POU4F2: variants seen among roughly 807,000 people sequenced by gnomAD.
POU4F2 encodes POU domain, class 4, transcription factor 2.
Under a neutral mutation model 21.5 loss-of-function variants are expected in POU4F2, and 10 were observed. That is an observed-to-expected ratio of 0.46 (90% CI 0.29 to 0.79). POU4F2 has a LOEUF of 0.79. POU4F2 is among the 30% of genes least tolerant of loss of function. POU4F2 has a pLI of 0.10. For synonymous variants in POU4F2, 324 were observed against 271.1 expected (o/e 1.20, Z -1.92); for missense variants, 623 against 603.3 (o/e 1.03, Z -0.34).
Position 146,640,265 on chromosome 4 carries a change from C to T in POU4F2, c.687C>T (p.His229=). 1 of 1,574,168 alleles carries T rather than the reference C, an allele frequency of 6.4e-7. No homozygotes were observed. The part of the protein sequence containing the change: ...APHMATMNPM[H]QAALSMAHAH... ...ACATGGCCACCATGAACCCCATGCA[C>T]CAAGCAGCGCTCAGCATGGCCCACG... Residue 229 remains histidine, a synonymous_variant, in exon 2 of 2, where the codon CAC becomes CAT. Coordinates refer to ENST00000281321, the MANE Select transcript of POU4F2 (RefSeq NM_004575.3). This position sits in a 1 kb window ranked among gnomAD's most constrained non-coding sequence, Gnocchi z 4.8.
Position 146,638,979 on chromosome 4 carries a change from AGC to A in POU4F2, c.-161_-160del, listed in dbSNP as rs573047005. The A allele has an allele frequency of 7.7e-4, 657 of 850,796 alleles. 3 individuals are homozygous for A. In the African/African-American group the frequency reaches 0.011, roughly 14 times the overall value. The allele number at this position is 850,796 out of a possible 1,614,324, so 52.7% of individuals were successfully genotyped here. A position where few individuals can be genotyped will look rare whatever the true frequency, so the allele number is the denominator to read the frequency against. On this transcript the variant is annotated 5_prime_UTR_variant, in exon 1 of 2. Coordinates refer to ENST00000281321, the MANE Select transcript of POU4F2 (RefSeq NM_004575.3). Reference sequence around the variant, plus strand: ...CAGCAGAGGCGGCGAAGGAGCGCGTAGCCGAGATCAGGCGTACAGAGTCCGGA... The same window carrying A: ...CAGCAGAGGCGGCGAAGGAGCGCGTACGAGATCAGGCGTACAGAGTCCGGA...
rs1740853665 is a variant in POU4F2, at chr4:146,640,261, T to C, written c.683T>C (p.Met228Thr). ...HAPHMATMNP[M>T]HQAALSMAHA... Reference sequence around the variant, plus strand: ...CCGCACATGGCCACCATGAACCCCATGCACCAAGCAGCGCTCAGCATGGCC... The same window carrying C: ...CCGCACATGGCCACCATGAACCCCACGCACCAAGCAGCGCTCAGCATGGCC... The change falls in exon 2 of 2, where the codon ATG (methionine) becomes ACG (threonine). Residue 228 changes from methionine (M) to threonine (T), a missense_variant. Met to Thr is a moderately conservative substitution (Grantham distance 81). This residue lies in a region of POU4F2 where 523 missense variants were observed against 504.1 expected (regional missense o/e 1.04). Transcript: ENST00000281321. The surrounding 1 kb of genome is among the most constrained non-coding windows in gnomAD (Gnocchi z 4.8). 2 of 1,577,640 alleles carry C rather than the reference T, an allele frequency of 1.3e-6. No homozygotes were observed. Among genetic ancestry groups the C allele is most frequent in the Admixed American group, 1.7e-5 (1 of 58,218 alleles).
rs564340231 is a variant in POU4F2, at chr4:146,640,618, G to A, written c.1040G>A (p.Arg347His). The A allele has an allele frequency of 1.1e-5, 18 of 1,614,218 alleles. No individual in the cohort carries two copies. In the African/African-American group the frequency reaches 1.6e-4, roughly 14 times the overall value. The stretch of plus-strand genomic sequence containing the variant: ...CTCTTCAATGGCGCGGAGAAGAAGC[G>A]CAAGCGCACGTCCATCGCTGCGCCA... ...PELFNGAEKK[R>H]KRTSIAAPEK... is the part of the protein sequence containing the mutation. The change falls in exon 2 of 2, where the codon CGC (arginine) becomes CAC (histidine). Residue 347 changes from arginine to histidine, a missense_variant. Arg to His is a conservative substitution (Grantham distance 29). Transcript: ENST00000281321. The surrounding 1 kb of genome is among the most constrained non-coding windows in gnomAD (Gnocchi z 4.8).
At chr4:146,639,774 G>T (rs778428497) in intron 1 of POU4F2, 93 bp from the exon 2 acceptor site, 3 of 1,251,426 alleles carry the variant, frequency 2.4e-6, no homozygotes, top group Admixed American at 5.2e-5. Flanking sequence ...TTGTAGGCGC[G>T]GCGACGGTGT....
At position 146,638,942 on chromosome 4, in the gene POU4F2, C is replaced by A. The variant is rs1032845511; in HGVS notation, c.-199C>A. On this transcript the variant is annotated 5_prime_UTR_variant, in exon 1 of 2. Coordinates refer to ENST00000281321, the MANE Select transcript of POU4F2 (RefSeq NM_004575.3). The stretch of plus-strand genomic sequence containing the variant: ...CTAGCGGCAAGCGGAGTCAGGCATC[C>A]GTTCAGACTGACAGCAGAGGCGGCG... 2 of 637,804 alleles carry A rather than the reference C, an allele frequency of 3.1e-6. No homozygotes were observed. The highest frequency in any genetic ancestry group is 5.1e-6 in the Non-Finnish European group (2 of 394,972). The allele number at this position is 637,804 out of a possible 1,614,324, so 39.5% of individuals were successfully genotyped here. A position where few individuals can be genotyped will look rare whatever the true frequency, so the allele number is the denominator to read the frequency against.
rs1740887137 is a variant in POU4F2, at chr4:146,641,547, T to C, written c.*739T>C. ...ATTCTAATTAATTAAACTTCTTCCG[T>C]CTAAAAAAAGTGGGGGAAATGTATA... On this transcript the variant is annotated 3_prime_UTR_variant, in exon 2 of 2. Transcript: ENST00000281321. 3.9e-5 allele frequency: 6 copies of C among 152,722 alleles called. 1 individual carries two copies. In the South Asian group the frequency reaches 6.2e-4, roughly 16 times the overall value. The allele number at this position is 152,722 out of a possible 1,614,324, so 9.5% of individuals were successfully genotyped here.
Position 146,639,283 on chromosome 4 carries a change from G to A in POU4F2, c.143G>A (p.Ser48Asn). The A allele has an allele frequency of 6.4e-7, 1 of 1,553,292 alleles. No homozygotes were observed. The highest frequency in any genetic ancestry group is 8.7e-7 in the Non-Finnish European group (1 of 1,153,784). Reference protein sequence around the residue: ...APIAPSASSPSSSSNAGGGGG... With the variant: ...APIAPSASSPNSSSNAGGGGG... The stretch of plus-strand genomic sequence containing the variant: ...ATCGCGCCCTCGGCCAGCTCCCCCA[G>A]CAGCTCGAGCAACGCTGGTGGTGGC... Residue 48 changes from serine to asparagine, a missense_variant, in exon 1 of 2, where the codon AGC becomes AAC. This residue lies in a region of POU4F2 where 94 missense variants were observed against 74.1 expected (regional missense o/e 1.27). Transcript: ENST00000281321.
At position 146,641,793 on chromosome 4, in the gene POU4F2, G is replaced by T. The variant is rs1056154920; in HGVS notation, c.*985G>T. On this transcript the variant is annotated 3_prime_UTR_variant, in exon 2 of 2. Coordinates refer to ENST00000281321, the MANE Select transcript of POU4F2 (RefSeq NM_004575.3). ...CACTGTCTGAAGTATTGTTTACTTCGTTACATATTTAATGGGGATTCCCAC... is the reference window on the plus strand; with the variant it reads ...CACTGTCTGAAGTATTGTTTACTTCTTTACATATTTAATGGGGATTCCCAC... The T allele has an allele frequency of 2.6e-5, 4 of 152,140 alleles. No individual in the cohort carries two copies. The highest frequency in any genetic ancestry group is 4.8e-5 in the African/African-American group (2 of 41,246). The allele number at this position is 152,140 out of a possible 1,614,324, so 9.4% of individuals were successfully genotyped here. A position where few individuals can be genotyped will look rare whatever the true frequency, so the allele number is the denominator to read the frequency against.
Position 146,639,326 on chromosome 4 carries a change from CGGCGGCGGCGGCGGA to C in POU4F2, c.190_204del (p.Gly64_Gly68del), listed in dbSNP as rs1561026771. 3.4e-6 allele frequency: 5 copies of C among 1,464,158 alleles called. No individual in the cohort carries two copies. The South Asian group carries it at 5.6e-5, about 16-fold the overall frequency. 90.7% of individuals were successfully genotyped at this position (1,464,158 alleles called of 1,614,324 possible). On this transcript the variant is annotated inframe_deletion, in exon 1 of 2. Transcript: ENST00000281321. ...GTGGTGGCGGCGGCGGCGGCGGCGGCGGCGGCGGCGGCGGAGGCCGAAGCAGCAGCTCCAGCAGCA... is the reference window on the plus strand; with the variant it reads ...GTGGTGGCGGCGGCGGCGGCGGCGGCGGCCGAAGCAGCAGCTCCAGCAGCA...
At position 146,640,846 on chromosome 4, in the gene POU4F2, T is replaced by C; in HGVS notation, c.*38T>C. On this transcript the variant is annotated 3_prime_UTR_variant, in exon 2 of 2. Coordinates refer to ENST00000281321, the MANE Select transcript of POU4F2 (RefSeq NM_004575.3). The surrounding 1 kb of genome is among the most constrained non-coding windows in gnomAD (Gnocchi z 4.8). ...CTCTCCAGAGACGCCCCTTTCCTCG[T>C]CCGCTCTTTTCTCTCCTCTCTTCTG... 1 of 1,523,164 alleles carries C rather than the reference T, an allele frequency of 6.6e-7. No homozygotes were observed. The highest frequency in any genetic ancestry group is 8.8e-7 in the Non-Finnish European group (1 of 1,136,104). The allele number at this position is 1,523,164 out of a possible 1,614,324, so 94.4% of individuals were successfully genotyped here. A position where few individuals can be genotyped will look rare whatever the true frequency, so the allele number is the denominator to read the frequency against.
chr4:146,640,251 A>G lies in POU4F2; in HGVS notation c.673A>G (p.Met225Val). Residue 225 changes from methionine to valine, a missense_variant, in exon 2 of 2, where the codon ATG becomes GTG. Around this residue, in one of 3 missense-constraint regions of POU4F2, gnomAD observed 523 missense variants for 504.1 expected, o/e 1.04. Transcript: ENST00000281321. This position sits in a 1 kb window ranked among gnomAD's most constrained non-coding sequence, Gnocchi z 4.8. Reference protein sequence around the residue: ...TPAHAPHMATMNPMHQAALSM... With the variant: ...TPAHAPHMATVNPMHQAALSM... ...GGCTCACGCGCCGCACATGGCCACC[A>G]TGAACCCCATGCACCAAGCAGCGCT... 2.5e-6 allele frequency: 4 copies of G among 1,581,170 alleles called. No individual in the cohort carries two copies. The highest frequency in any genetic ancestry group is 1.7e-5 in the Admixed American group (1 of 58,502).
In POU4F2 at chr4:146,639,402, C is replaced by G. The variant is rs780810360; in HGVS notation, c.262C>G (p.Arg88Gly). The G allele has an allele frequency of 3.4e-6, 5 of 1,467,116 alleles. No individual in the cohort carries two copies. The highest frequency in any genetic ancestry group is 1.8e-6 in the Non-Finnish European group (2 of 1,117,350). 90.9% of individuals were successfully genotyped at this position (1,467,116 alleles called of 1,614,324 possible). ...CGGCGGCGGGGGCTCGGAGGCTATG[C>G]GGAGAGCCTGTCTTCCAACCCCACC... ...SSGGGGSEAM[R>G]RACLPTPPSN... is the part of the protein sequence containing the mutation. The change falls in exon 1 of 2, where the codon CGG (arginine) becomes GGG (glycine). Residue 88 changes from arginine (R) to glycine (G), a missense_variant. Arg to Gly is a moderately radical substitution (Grantham distance 125). This residue lies in a region of POU4F2 where 523 missense variants were observed against 504.1 expected (regional missense o/e 1.04). Coordinates refer to ENST00000281321, the MANE Select transcript of POU4F2 (RefSeq NM_004575.3).
chr4:146,640,622 G>A lies in POU4F2; in HGVS notation c.1044G>A (p.Lys348=), dbSNP rs766482351. ...TCAATGGCGCGGAGAAGAAGCGCAA[G>A]CGCACGTCCATCGCTGCGCCAGAGA... is the stretch of plus-strand genomic sequence containing the variant. ...ELFNGAEKKR[K]RTSIAAPEKR... is the part of the protein sequence containing the mutation. Residue 348 remains lysine (K), a synonymous_variant, in exon 2 of 2, where the codon AAG becomes AAA. Transcript: ENST00000281321. This position sits in a 1 kb window ranked among gnomAD's most constrained non-coding sequence, Gnocchi z 4.8. The A allele has an allele frequency of 3.1e-6, 5 of 1,614,240 alleles. No homozygotes were observed. The Admixed American group carries it at 8.3e-5, about 27-fold the overall frequency.
chr4:146,640,435 T>A lies in POU4F2; in HGVS notation c.857T>A (p.Leu286His), dbSNP rs373485818. 1.2e-6 allele frequency: 2 copies of A among 1,613,034 alleles called. No individual in the cohort carries two copies. Among genetic ancestry groups the A allele is most frequent in the Non-Finnish European group, 1.7e-6 (2 of 1,179,936 alleles). The change falls in exon 2 of 2, where the codon CTC becomes CAC. Residue 286 changes from leucine to histidine, a missense_variant. Leu to His is a moderately conservative substitution (Grantham distance 99). Transcript: ENST00000281321. This position sits in a 1 kb window ranked among gnomAD's most constrained non-coding sequence, Gnocchi z 4.8. The stretch of plus-strand genomic sequence containing the variant: ...GATGTGGGCTCCGCGCTGGCCAACC[T>A]CAAGATCCCCGGCGTGGGCTCGCTT... Reference protein sequence around the residue: ...QADVGSALANLKIPGVGSLSQ... With the variant: ...QADVGSALANHKIPGVGSLSQ...
chr4:146,639,183 C>A lies in POU4F2; in HGVS notation c.43C>A (p.Pro15Thr). The change falls in exon 1 of 2, where the codon CCG becomes ACG. Residue 15 changes from proline (P) to threonine (T), a missense_variant. Around this residue, in one of 3 missense-constraint regions of POU4F2, gnomAD observed 94 missense variants for 74.1 expected, o/e 1.27. Coordinates refer to ENST00000281321, the MANE Select transcript of POU4F2 (RefSeq NM_004575.3). ...GAACAGCAAGCAGGCGTTTAGCATG[C>A]CGCACGGCGGCAGCCTGCACGTGGA... Reference protein sequence around the residue: ...SLNSKQAFSMPHGGSLHVEPK... With the variant: ...SLNSKQAFSMTHGGSLHVEPK... The A allele has an allele frequency of 6.2e-7, 1 of 1,607,330 alleles. No individual in the cohort carries two copies. Among genetic ancestry groups the A allele is most frequent in the Non-Finnish European group, 8.5e-7 (1 of 1,177,572 alleles).
Position 146,640,696 on chromosome 4 carries a change from A to G in POU4F2, c.1118A>G (p.Glu373Gly). ...GCCATTCAGCCTCGGCCCTCCTCTG[A>G]AAAGATCGCCGCCATCGCGGAGAAG... ...YFAIQPRPSS[E>G]KIAAIAEKLD... is the part of the protein sequence containing the mutation. The change falls in exon 2 of 2, where the codon GAA (glutamate) becomes GGA (glycine). Residue 373 changes from glutamate (E) to glycine (G), a missense_variant. By Grantham distance (98) the Glu-to-Gly change is moderately conservative. Coordinates refer to ENST00000281321, the MANE Select transcript of POU4F2 (RefSeq NM_004575.3). This position sits in a 1 kb window ranked among gnomAD's most constrained non-coding sequence, Gnocchi z 4.8. 6.2e-7 allele frequency: 1 copy of G among 1,614,250 alleles called. No homozygotes were observed. Among genetic ancestry groups the G allele is most frequent in the Non-Finnish European group, 8.5e-7 (1 of 1,180,042 alleles).
Position 146,641,450 on chromosome 4 carries a change from A to G in POU4F2, c.*642A>G, listed in dbSNP as rs1740886179. On this transcript the variant is annotated 3_prime_UTR_variant, in exon 2 of 2. Transcript: ENST00000281321. ...GCTGTGTTCACTGATCTTGAAAGCT[A>G]TTATTAGATTATTGCAGAACAACCC... 1 of 152,592 alleles carries G rather than the reference A, an allele frequency of 6.6e-6. No homozygotes were observed. Among genetic ancestry groups the G allele is most frequent in the Non-Finnish European group, 1.5e-5 (1 of 68,034 alleles). The allele number at this position is 152,592 out of a possible 1,614,324, so 9.5% of individuals were successfully genotyped here.
Position 146,640,695 on chromosome 4 carries a change from G to A in POU4F2, c.1117G>A (p.Glu373Lys). 6.2e-7 allele frequency: 1 copy of A among 1,614,252 alleles called. No individual in the cohort carries two copies. Among genetic ancestry groups the A allele is most frequent in the Non-Finnish European group, 8.5e-7 (1 of 1,180,040 alleles). ...YFAIQPRPSS[E>K]KIAAIAEKLD... ...TGCCATTCAGCCTCGGCCCTCCTCT[G>A]AAAAGATCGCCGCCATCGCGGAGAA... is the stretch of plus-strand genomic sequence containing the variant. Residue 373 changes from glutamate to lysine, a missense_variant, in exon 2 of 2, where the codon GAA becomes AAA. Transcript: ENST00000281321. The surrounding 1 kb of genome is among the most constrained non-coding windows in gnomAD (Gnocchi z 4.8).
rs1467227845 is a variant in POU4F2 at position 146,639,050 on chromosome 4, C to T, written c.-91C>T. On this transcript the variant is annotated 5_prime_UTR_variant, in exon 1 of 2. Transcript: ENST00000281321. ...CAACTTCGCACAGCCCTTCCCAGCT[C>T]CAGCCCCGGCTGGCCCGGCACTTCT... The T allele has an allele frequency of 2.0e-6, 3 of 1,494,290 alleles. No individual in the cohort carries two copies. The African/African-American group carries it at 4.5e-5, about 22-fold the overall frequency. The allele number at this position is 1,494,290 out of a possible 1,614,324, so 92.6% of individuals were successfully genotyped here. A position where few individuals can be genotyped will look rare whatever the true frequency, so the allele number is the denominator to read the frequency against.
Sources: allele counts gnomAD v4.1 joint callset, GRCh38; gene constraint gnomAD v4.1.1; regional missense constraint gnomAD v4.1.1; non-coding constraint Gnocchi (gnomAD v3.1); transcripts MANE v1.5; gene names NCBI Gene and HGNC (gene_info 2026-07-23, HGNC 2026-07-21).